The following MDGA2 variants were observed in gnomAD, a reference collection of about 807,000 sequenced individuals.
MDGA2 encodes MAM domain containing glycosylphosphatidylinositol anchor 2.
A neutral mutation model predicts 117.8 loss-of-function variants in MDGA2; 40 were observed. That is an observed-to-expected ratio of 0.34 (90% CI 0.26 to 0.44). The LOEUF is 0.44. MDGA2 is among the 20% of genes least tolerant of loss of function. MDGA2 has a pLI of 1.00. For synonymous variants in MDGA2, 452 were observed against 439.0 expected, an observed-to-expected ratio of 1.03 and a Z score of -0.37; for missense variants, 1,123 against 1,250.6, an observed-to-expected ratio of 0.90 and a Z score of 1.54.
chr14:47,237,703 GA>G (rs1204453318), intron 2 of MDGA2, among the ~76,000 whole-genome samples: 2 of 151,880 alleles, frequency 1.3e-5, no homozygotes, highest in Admixed American at 1.3e-4. Context: ...TCCTCATATC[GA>G]AATTCTTGAA....
At chr14:47,638,713 T>A (rs749498976) in intron 1 of MDGA2, among the ~76,000 whole-genome samples, 2 of 152,206 alleles carry the variant, frequency 1.3e-5, no homozygotes, top group Non-Finnish European at 2.9e-5. Flanking sequence ...CCCTTAACTA[T>A]GGCAAGTGCC....
chr14:47,046,119 A>T (rs1053725680), intron 7 of MDGA2, among the ~76,000 whole-genome samples: 29 of 150,986 alleles, frequency 1.9e-4, no homozygotes, highest in African/African-American at 6.3e-4. Flanking sequence ...AAACCTGCAC[A>T]TTGTGCACAT....
At chr14:47,509,248 T>C (rs1459305480) in intron 1 of MDGA2, among the ~76,000 whole-genome samples, 1 of 152,166 alleles carries the variant, frequency 6.6e-6, no homozygotes, top group African/African-American at 2.4e-5. Context: ...TTTGCTGAGA[T>C]GGGATGGGAT....
intron 1 of MDGA2, among the ~76,000 whole-genome samples, chr14:47,524,085 A>T (rs1894923841): frequency 6.6e-6 from 1 of 152,162 alleles, no homozygotes; most frequent in South Asian, 2.1e-4. Context: ...CATCTTTTCT[A>T]CTAGATGATA....
intron 1 of MDGA2, chr14:47,306,272 G>T (rs1889441812): frequency 6.6e-6 from 1 of 152,140 alleles, no homozygotes; most frequent in Admixed American, 6.5e-5. Context: ...CTAGGTGAAA[G>T]ATGACAATTT....
chr14:47,463,757 T>C (rs541790978), intron 1 of MDGA2, among the ~76,000 whole-genome samples: 2 of 152,296 alleles, frequency 1.3e-5, no homozygotes, highest in South Asian at 4.1e-4. Flanking sequence ...TCAAACATTG[T>C]GGCAGGCACC....
chr14:47,017,700 CAGAT>C (rs1362613624), intron 8 of MDGA2, among the ~76,000 whole-genome samples: 4 of 152,144 alleles, frequency 2.6e-5, no homozygotes, highest in South Asian at 2.1e-4. Context: ...ATTTATTAGA[CAGAT>C]AGGCCCTATC....
chr14:47,105,546 G>A (rs1033450900), intron 5 of MDGA2, among the ~76,000 whole-genome samples: 3 of 151,710 alleles, frequency 2.0e-5, no homozygotes, highest in African/African-American at 7.3e-5. Flanking sequence ...CTTCTGCAAT[G>A]CTGCTTGACC....
chr14:47,297,446 A>T (rs1304237638), intron 2 of MDGA2, among the ~76,000 whole-genome samples: 1 of 126,888 alleles, frequency 7.9e-6, no homozygotes, highest in Non-Finnish European at 1.6e-5. Context: ...AGTGAAGGGA[A>T]GGGAAGGGGA....
intron 9 of MDGA2, among the ~76,000 whole-genome samples, chr14:46,928,202 T>C (rs1418202659): frequency 6.6e-6 from 1 of 152,148 alleles, no homozygotes; most frequent in Non-Finnish European, 1.5e-5. Context: ...AACTTTTTTA[T>C]GAAAATCAAT....
intron 6 of MDGA2, among the ~76,000 whole-genome samples, chr14:47,079,610 C>T (rs1281096412): frequency 1.3e-5 from 2 of 150,980 alleles, no homozygotes; most frequent in Admixed American, 6.6e-5. Context: ...TTTAGAAAGA[C>T]ATTTATTGCA....
chr14:46,929,601 G>GTGTA (rs1398520996), intron 9 of MDGA2, among the ~76,000 whole-genome samples: 6 of 12,676 alleles, frequency 4.7e-4, no homozygotes, highest in African/African-American at 1.1e-3. Flanking sequence ...GTGTGTGTGT[G>GTGTA]TATATATATA....
intron 2 of MDGA2, among the ~76,000 whole-genome samples, chr14:47,254,765 T>C (rs1238785629): frequency 1.3e-5 from 2 of 152,196 alleles, no homozygotes; most frequent in Non-Finnish European, 2.9e-5. Flanking sequence ...TTTACTGTAT[T>C]AGTCCATTCT....
intron 3 of MDGA2, among the ~76,000 whole-genome samples, chr14:47,177,244 G>C (rs921594015): frequency 6.6e-6 from 1 of 151,840 alleles, no homozygotes; most frequent in African/African-American, 2.4e-5. Context: ...TCAGTGTGGC[G>C]ATTCCTCAGG....
chr14:47,589,110 C>T (rs1199227470), intron 1 of MDGA2, among the ~76,000 whole-genome samples: 1 of 151,988 alleles, frequency 6.6e-6, no homozygotes, highest in Non-Finnish European at 1.5e-5. Flanking sequence ...ATCACATCCA[C>T]AAAGTCCCTT....
chr14:46,908,684 T>C (rs28752091), intron 10 of MDGA2, among the ~76,000 whole-genome samples: 3,751 of 152,288 alleles, frequency 0.025, 151 homozygotes, highest in African/African-American at 0.085. Context: ...TCTAATTTCT[T>C]ACTCCTGAAC....
intron 10 of MDGA2, among the ~76,000 whole-genome samples, chr14:46,908,824 T>A (rs1434837915): frequency 6.6e-6 from 1 of 152,196 alleles, no homozygotes; most frequent in Non-Finnish European, 1.5e-5. Context: ...TTAGTGTGCT[T>A]GATTATTTGA....
At chr14:46,975,176 T>C (rs1886409255) in intron 8 of MDGA2, among the ~76,000 whole-genome samples, 1 of 152,086 alleles carries the variant, frequency 6.6e-6, no homozygotes, top group African/African-American at 2.4e-5. Context: ...GAGCTACTAC[T>C]TTTTAAAAAA....
intron 3 of MDGA2, among the ~76,000 whole-genome samples, chr14:47,144,815 A>ATTTTTTTTTTTTTTTTTTT (rs60842690): frequency 7.7e-6 from 1 of 130,458 alleles, no homozygotes; most frequent in African/African-American, 3.1e-5. Flanking sequence ...TGCCCGGCTA[A>ATTTTTTTTTTTTTTTTTTT]TTTTTTTTTT....
Sources: gnomAD v4.1 joint callset for allele counts (sites outside exome capture counted in the v4.1 genomes callset) on GRCh38, gnomAD v4.1.1 for gene constraint, MANE v1.5 for transcripts, NCBI Gene and HGNC (gene_info 2026-07-23, HGNC 2026-07-21) for gene names.